Variants in TPD52 observed in about 807,000 individuals in gnomAD.
The protein encoded by TPD52 is prostate and colon associated protein.
Under a neutral mutation model 31.3 loss-of-function variants are expected in TPD52, and 17 were observed. The observed-to-expected ratio is 0.54, with a 90% CI of 0.37 to 0.82. The LOEUF (loss-of-function observed/expected upper bound fraction) is 0.82. Ranked by LOEUF, TPD52 falls within the 40% of genes least tolerant of loss-of-function variation. TPD52 has a pLI of 0.00. For synonymous variants in TPD52, 83 were observed against 89.6 expected (o/e 0.93, Z 0.42); for missense variants, 212 against 240.1 (o/e 0.88, Z 0.77).
rs970354392 is a variant in TPD52, at chr8:80,083,619, T to C, written c.20-19026A>G. Reference sequence around the variant, plus strand: ...CCCTGTGAAGTGGTGCCTTCTGCCATGATTGTAAGTTTCCTGAAGCCTCCC... The same window carrying C: ...CCCTGTGAAGTGGTGCCTTCTGCCACGATTGTAAGTTTCCTGAAGCCTCCC... On this transcript the variant is annotated intron_variant, in intron 1 of 7. Transcript: ENST00000518937. 7.2e-5 allele frequency among the ~76,000 whole-genome samples: 11 copies of C among 152,146 alleles called. No individual in the cohort carries two copies. In the East Asian group the frequency reaches 1.7e-3, roughly 24 times the overall value.
intron 1 of TPD52, among the ~76,000 whole-genome samples, chr8:80,087,811 G>A (rs916768930): frequency 1.3e-5 from 2 of 152,200 alleles, no homozygotes; most frequent in South Asian, 4.1e-4. Flanking sequence ...AGAGGGCAGA[G>A]AGGCTGAGAG....
chr8:80,083,682 C>CT (rs1815510858), intron 1 of TPD52, among the ~76,000 whole-genome samples: 2 of 152,146 alleles, frequency 1.3e-5, no homozygotes, highest in African/African-American at 4.8e-5. Context: ...AACCTTTTCC[C>CT]TTTATAAATT....
intron 1 of TPD52, among the ~76,000 whole-genome samples, chr8:80,161,801 C>A (rs1188023678): frequency 2.7e-5 from 4 of 150,426 alleles, no homozygotes; most frequent in Non-Finnish European, 4.4e-5. Flanking sequence ...ATGATCTTGG[C>A]TCACTGCAAC....
intron 1 of TPD52, among the ~76,000 whole-genome samples, chr8:80,094,458 ATATATATATATATATATATATATATATG>A: frequency 1.2e-5 from 1 of 83,324 alleles, no homozygotes; most frequent in Non-Finnish European, 2.4e-5. Context: ...ATATATATAT[ATATATATATATATATATATATATATATG>A]TATGTATATA....
chr8:80,152,799 T>G (rs796531463), intron 1 of TPD52, among the ~76,000 whole-genome samples: 21 of 57,390 alleles, frequency 3.7e-4, no homozygotes, highest in Middle Eastern at 0.011. Context: ...AAAAAAAAAA[T>G]GCCAGGCACA....
intron 1 of TPD52, among the ~76,000 whole-genome samples, chr8:80,113,901 G>A (rs1210133698): frequency 6.6e-6 from 1 of 152,092 alleles, no homozygotes; most frequent in East Asian, 1.9e-4. Flanking sequence ...GTATCATTCT[G>A]TATCTAATAA....
At chr8:80,163,390 C>T (rs1430239368) in intron 1 of TPD52, among the ~76,000 whole-genome samples, 2 of 152,050 alleles carry the variant, frequency 1.3e-5, no homozygotes, top group Admixed American at 6.5e-5. Flanking sequence ...CATGATTCCA[C>T]CTATATGAGG....
chr8:80,063,818 T>G lies in TPD52; in HGVS notation c.135+660A>C, dbSNP rs972800975. 2.0e-5 allele frequency among the ~76,000 whole-genome samples: 3 copies of G among 147,298 alleles called. No individual in the cohort carries two copies. In the East Asian group the frequency reaches 6.0e-4, roughly 30 times the overall value. ...TCTCGAAAAATAAAATATAATAAAA[T>G]GGTTAATTTTTATGTTAAATGAATT... On this transcript the variant is annotated intron_variant, in intron 2 of 7. Coordinates refer to ENST00000518937, the MANE Select transcript of TPD52 (RefSeq NM_001025253.3).
At chr8:80,123,595 C>T (rs1334275613) in intron 1 of TPD52, among the ~76,000 whole-genome samples, 1 of 152,138 alleles carries the variant, frequency 6.6e-6, no homozygotes, top group Non-Finnish European at 1.5e-5. Flanking sequence ...CCATCTTGGT[C>T]AAGTTTATGG....
chr8:80,089,511 G>C (rs1816088661), intron 1 of TPD52, among the ~76,000 whole-genome samples: 1 of 152,110 alleles, frequency 6.6e-6, no homozygotes, highest in African/African-American at 2.4e-5. Context: ...GAAAAAGTTA[G>C]GGGCTAAGAT....
chr8:80,057,111 TG>T, intron 2 of TPD52, among the ~76,000 whole-genome samples: 1 of 152,278 alleles, frequency 6.6e-6, no homozygotes, highest in East Asian at 1.9e-4. Flanking sequence ...GAGGTTGCAG[TG>T]AGCTGAGATC....
In TPD52 at chr8:80,045,628, G is replaced by A. The variant is rs116270270; in HGVS notation, c.414-1420C>T. Among the ~76,000 whole-genome samples the A allele has an allele frequency of 5.4e-3, 819 of 152,322 alleles. 6 individuals carry two copies. Among genetic ancestry groups the A allele is most frequent in the African/African-American group, 0.019 (780 of 41,566 alleles). Reference sequence around the variant, plus strand: ...TATAAGCACACAGAGAGGTAGAGCAGATGAGGTCAGGAGAGGTGATCATGC... The same window carrying A: ...TATAAGCACACAGAGAGGTAGAGCAAATGAGGTCAGGAGAGGTGATCATGC... On this transcript the variant is annotated intron_variant, in intron 5 of 7. Transcript: ENST00000518937.
At chr8:80,086,026 C>T (rs1008574108) in intron 1 of TPD52, among the ~76,000 whole-genome samples, 20 of 150,146 alleles carry the variant, frequency 1.3e-4, no homozygotes, top group African/African-American at 2.5e-4. Flanking sequence ...GAACCTGAAT[C>T]GAATCATGAG....
intron 1 of TPD52, among the ~76,000 whole-genome samples, chr8:80,125,286 A>C (rs1476341782): frequency 6.6e-6 from 1 of 152,212 alleles, no homozygotes; most frequent in African/African-American, 2.4e-5. Context: ...TAGCCTAACC[A>C]AAATATTAAT....
intron 6 of TPD52, 34 bp from the exon 7 acceptor site, chr8:80,042,702 C>T (rs1330903534): frequency 6.4e-7 from 1 of 1,572,436 alleles, no homozygotes; most frequent in Non-Finnish European, 8.6e-7. Flanking sequence ...ATAGTAAATA[C>T]AAATACTGAA....
chr8:80,171,197 GCA>G (rs1812062960), intron 1 of TPD52: 3 of 701,776 alleles, frequency 4.3e-6, no homozygotes, highest in Non-Finnish European at 5.2e-6. Context: ...CCCCACACAC[GCA>G]CACTCACACT....
rs1809841290 is a variant in TPD52, at chr8:80,035,556, G to C, written c.*2560C>G. 1 of 152,136 alleles carries C rather than the reference G, an allele frequency of 6.6e-6. No homozygotes were observed. The highest frequency in any genetic ancestry group is 1.5e-5 in the Non-Finnish European group (1 of 68,020). The allele number at this position is 152,136 out of a possible 1,614,324, so 9.4% of individuals were successfully genotyped here. On this transcript the variant is annotated 3_prime_UTR_variant, in exon 8 of 8. Transcript: ENST00000518937. The stretch of plus-strand genomic sequence containing the variant: ...ATTTTCCAATACTATACAAAAAATA[G>C]ACTGTGCATATCTTAACAGATCCAG...
intron 1 of TPD52, among the ~76,000 whole-genome samples, chr8:80,070,192 G>A (rs1450015456): frequency 6.6e-6 from 1 of 151,898 alleles, no homozygotes; most frequent in Non-Finnish European, 1.5e-5. Flanking sequence ...CTCTCTGCTT[G>A]GGTGCAGCCC....
intron 1 of TPD52, among the ~76,000 whole-genome samples, chr8:80,164,013 TGAGA>T (rs36124247): frequency 8.1e-6 from 1 of 123,572 alleles, no homozygotes; most frequent in Non-Finnish European, 1.7e-5. Flanking sequence ...ATTCTAACTG[TGAGA>T]GAGAGACAGA....
Sources: allele counts gnomAD v4.1 joint callset (sites outside exome capture counted in the v4.1 genomes callset), GRCh38; gene constraint gnomAD v4.1.1; transcripts MANE v1.5; gene names NCBI Gene and HGNC (gene_info 2026-07-23, HGNC 2026-07-21).